MIA2: variants seen among roughly 807,000 people sequenced by gnomAD.
The protein encoded by MIA2 is melanoma inhibitory activity protein 2.
A neutral mutation model predicts 167.8 loss-of-function variants in MIA2; 127 were observed. The observed-to-expected ratio is 0.76, with a 90% CI of 0.66 to 0.88. The LOEUF is 0.88. Ranked by LOEUF, MIA2 falls within the 40% of genes least tolerant of loss-of-function variation. The pLI, the probability that MIA2 is intolerant of heterozygous loss-of-function variation, is 0.00. For synonymous variants in MIA2, 552 were observed against 541.9 expected (o/e 1.02, Z -0.26); for missense variants, 1,690 against 1,624.7 (o/e 1.04, Z -0.69).
chr14:39,299,858 T>C lies in MIA2; in HGVS notation c.2497-6T>C. Reference sequence around the variant, plus strand: ...TGAGTTGCATTTTTAAAATTTTCATTTTCAGCTTTTGCAAGAAGCTGAAGT... The same window carrying C: ...TGAGTTGCATTTTTAAAATTTTCATCTTCAGCTTTTGCAAGAAGCTGAAGT... On this transcript the variant is annotated splice_region_variant and splice_polypyrimidine_tract_variant and intron_variant, in intron 13 of 28. Transcript: ENST00000640607. 1 of 1,597,194 alleles carries C rather than the reference T, an allele frequency of 6.3e-7. No homozygotes were observed. Among genetic ancestry groups the C allele is most frequent in the Non-Finnish European group, 8.5e-7 (1 of 1,176,102 alleles).
chr14:39,311,592 C>T (rs1445642006), intron 18 of MIA2, among the ~76,000 whole-genome samples: 1 of 150,112 alleles, frequency 6.7e-6, no homozygotes, highest in Non-Finnish European at 1.5e-5. Flanking sequence ...ATTCTCCTTC[C>T]TCAGCCTCCC....
At chr14:39,317,550 A>G (rs2152956459) in intron 21 of MIA2, among the ~76,000 whole-genome samples, 1 of 152,190 alleles carries the variant, frequency 6.6e-6, no homozygotes, top group East Asian at 1.9e-4. Flanking sequence ...TCAACTTTAG[A>G]GATTTGAGGG....
chr14:39,264,551 G>A (rs1245246537), intron 6 of MIA2, among the ~76,000 whole-genome samples: 1 of 152,052 alleles, frequency 6.6e-6, no homozygotes, highest in Non-Finnish European at 1.5e-5. Context: ...GAGTTCTAAT[G>A]TTTATATATT....
At chr14:39,240,450 G>A in intron 2 of MIA2, 111 bp from the exon 3 acceptor site, 1 of 631,286 alleles carries the variant, frequency 1.6e-6, no homozygotes, top group Non-Finnish European at 2.8e-6. Flanking sequence ...GTCGAGTAAT[G>A]TTTGCGATTC....
At chr14:39,275,755 T>TA (rs1217512646) in intron 6 of MIA2, among the ~76,000 whole-genome samples, 1 of 152,214 alleles carries the variant, frequency 6.6e-6, no homozygotes, top group Non-Finnish European at 1.5e-5. Flanking sequence ...AATTTTTTTT[T>TA]ATCATTAATT....
intron 6 of MIA2, among the ~76,000 whole-genome samples, chr14:39,271,153 G>A (rs1014025072): frequency 1.3e-5 from 2 of 152,090 alleles, no homozygotes; most frequent in African/African-American, 4.8e-5. Flanking sequence ...TGAAGAATGG[G>A]TCTAGATTCA....
exon 24 of MIA2, chr14:39,387,650 G>C (rs1174315847): frequency 6.6e-6 from 1 of 152,338 alleles, no homozygotes; most frequent in Middle Eastern, 3.4e-3. Context: ...AGTTCGAGAG[G>C]ATTGAGTCCA....
intron 12 of MIA2, among the ~76,000 whole-genome samples, chr14:39,294,501 ATT>A (rs57357871): frequency 2.0e-4 from 29 of 144,062 alleles, no homozygotes; most frequent in Admixed American, 3.5e-4. Flanking sequence ...CCCAGCTTGT[ATT>A]TTTTTTTTTT....
intron 6 of MIA2, among the ~76,000 whole-genome samples, chr14:39,258,445 G>T (rs556249422): frequency 1.3e-3 from 200 of 152,178 alleles, no homozygotes; most frequent in Non-Finnish European, 2.4e-3. Context: ...CAGGTCATTT[G>T]TTCCTCTCTA....
At chr14:39,277,707 T>A (rs1237507350) in intron 7 of MIA2, among the ~76,000 whole-genome samples, 12 of 6,184 alleles carry the variant, frequency 1.9e-3, no homozygotes, top group African/African-American at 8.5e-3. Flanking sequence ...TATATATATA[T>A]ATATATATGT....
intron 21 of MIA2, among the ~76,000 whole-genome samples, chr14:39,316,075 A>C (rs2065365490): frequency 3.3e-5 from 5 of 152,218 alleles, no homozygotes; most frequent in Admixed American, 3.3e-4. Context: ...CATTTGTGTA[A>C]CAATGGGATT....
intron 1 of MIA2, among the ~76,000 whole-genome samples, chr14:39,235,412 G>T (rs945504378): frequency 6.6e-6 from 1 of 152,140 alleles, no homozygotes; most frequent in African/African-American, 2.4e-5. Context: ...ATAATTATGA[G>T]TAAACATTCT....
intron 19 of MIA2, 145 bp from the exon 20 acceptor site, chr14:39,314,594 A>C (rs1226342865): frequency 3.8e-6 from 2 of 532,188 alleles, no homozygotes; most frequent in Non-Finnish European, 6.3e-6. Context: ...ATTATTTCTT[A>C]ATGTGGAGTT....
At chr14:39,332,982 T>C (rs10137905) in intron 25 of MIA2, among the ~76,000 whole-genome samples, 38,848 of 152,038 alleles carry the variant, frequency 0.26, 5,231 homozygotes, top group East Asian at 0.5. Context: ...ATTTTAGATA[T>C]ATTTTTCAGG....
At chr14:39,362,280 A>G (rs915797459) in intron 23 of MIA2, among the ~76,000 whole-genome samples, 4 of 152,084 alleles carry the variant, frequency 2.6e-5, no homozygotes, top group Admixed American at 6.5e-5. Context: ...ATTCTTTATA[A>G]GTTTGCTAGA....
At chr14:39,337,011 C>T (rs918787719) in intron 25 of MIA2, among the ~76,000 whole-genome samples, 1 of 152,174 alleles carries the variant, frequency 6.6e-6, no homozygotes, top group Non-Finnish European at 1.5e-5. Context: ...CCTCCTCAGC[C>T]TCCTGAATAG....
chr14:39,303,620 T>A (rs1384356967), intron 16 of MIA2, 96 bp downstream of exon 16: 1 of 795,196 alleles, frequency 1.3e-6, no homozygotes, highest in Non-Finnish European at 2.0e-6. Flanking sequence ...CATTTTATTG[T>A]TCCCATATAA....
In MIA2 at chr14:39,314,818, G is replaced by GC; in HGVS notation, c.3180+19_3180+20insC. The GC allele has an allele frequency of 8.5e-7, 1 of 1,171,608 alleles. No individual in the cohort carries two copies. The highest frequency in any genetic ancestry group is 1.2e-6 in the Non-Finnish European group (1 of 846,042). The allele number at this position is 1,171,608 out of a possible 1,614,324, so 72.6% of individuals were successfully genotyped here. A position where few individuals can be genotyped will look rare whatever the true frequency, so the allele number is the denominator to read the frequency against. On this transcript the variant is annotated intron_variant, in intron 20 of 28. Transcript: ENST00000640607. ...AGGGCAGGTATATATATATGTGTGT[G>GC]TGTGTGTGTGTGTGTGTGTATATAT...
At chr14:39,272,775 C>T (rs1322836465) in intron 6 of MIA2, among the ~76,000 whole-genome samples, 1 of 152,168 alleles carries the variant, frequency 6.6e-6, no homozygotes, top group Non-Finnish European at 1.5e-5. Context: ...ACAAAGAAGT[C>T]TTCCAGCCCA....
Sources: gnomAD v4.1 joint callset for allele counts (sites outside exome capture counted in the v4.1 genomes callset) on GRCh38, gnomAD v4.1.1 for gene constraint, MANE v1.5 for transcripts, NCBI Gene and HGNC (gene_info 2026-07-23, HGNC 2026-07-21) for gene names.